MAP4K4: variants seen among roughly 807,000 people sequenced by gnomAD.
MAP4K4 encodes mitogen-activated protein kinase kinase kinase kinase 4, also known as HPK/GCK-like kinase HGK.
Under a neutral mutation model 189.6 loss-of-function variants are expected in MAP4K4, and 38 were observed. That is an observed-to-expected ratio of 0.20 (90% confidence interval 0.15 to 0.26). MAP4K4 has a LOEUF of 0.26. MAP4K4 is among the 10% of genes least tolerant of loss of function. The probability of loss-of-function intolerance (pLI) is 1.00; values close to 1 mark genes in which losing one functional copy is unlikely to be tolerated. For synonymous variants in MAP4K4, 610 were observed against 624.3 expected (o/e 0.98, Z 0.34); for missense variants, 1,054 against 1,726.9 (o/e 0.61, Z 6.91).
chr2:101,787,189 G>C (rs1388352068), intron 2 of MAP4K4, among the ~76,000 whole-genome samples: 2 of 152,186 alleles, frequency 1.3e-5, no homozygotes, highest in African/African-American at 4.8e-5. Flanking sequence ...CATCAGGTGG[G>C]TCCAGAGTGA....
intron 2 of MAP4K4, among the ~76,000 whole-genome samples, chr2:101,729,002 G>T (rs2057005374): frequency 6.6e-6 from 1 of 152,048 alleles, no homozygotes; most frequent in Non-Finnish European, 1.5e-5. Flanking sequence ...TCAGGAAATT[G>T]TGAAGATGTA....
At chr2:101,842,530 G>T in intron 10 of MAP4K4, 79 bp from the exon 11 acceptor site, 2 of 976,346 alleles carry the variant, frequency 2.0e-6, no homozygotes, top group Admixed American at 5.0e-5. Flanking sequence ...CTGCCAAGGT[G>T]CTCCTGCAGA....
rs1033252088 is a variant in MAP4K4, at chr2:101,891,152, T to C, written c.4072-14T>C. ...ACCATGGTAACCATTCCCTCTCTTT[T>C]CTTGCTTTTGCAGGTGTTCTTTGCC... On this transcript the variant is annotated splice_polypyrimidine_tract_variant and intron_variant, in intron 32 of 32. Transcript: ENST00000324219. The C allele has an allele frequency of 6.2e-7, 1 of 1,610,490 alleles. No homozygotes were observed. Among genetic ancestry groups the C allele is most frequent in the Non-Finnish European group, 8.5e-7 (1 of 1,176,874 alleles).
In MAP4K4 at chr2:101,745,164, A is replaced by T. The variant is rs186822441; in HGVS notation, c.124-45556A>T. ...ATGGTGTGTTTCTTTGGTGTATTTGATGGTGTGTTTCTTTGGTTTATTTGC... is the reference window on the plus strand; with the variant it reads ...ATGGTGTGTTTCTTTGGTGTATTTGTTGGTGTGTTTCTTTGGTTTATTTGC... On this transcript the variant is annotated intron_variant, in intron 2 of 32. Transcript: ENST00000324219. Among the ~76,000 whole-genome samples, 23 of 152,138 alleles carry T rather than the reference A, an allele frequency of 1.5e-4. No individual in the cohort carries two copies. In the East Asian group the frequency reaches 4.3e-3, roughly 28 times the overall value.
chr2:101,739,976 C>T (rs932082389), intron 2 of MAP4K4, among the ~76,000 whole-genome samples: 35 of 152,172 alleles, frequency 2.3e-4, no homozygotes, highest in African/African-American at 8.2e-4. Context: ...TTATTTTACA[C>T]TAAAGGGAGG....
chr2:101,847,862 G>C (rs2097157496), intron 12 of MAP4K4, among the ~76,000 whole-genome samples: 1 of 152,152 alleles, frequency 6.6e-6, no homozygotes, highest in Non-Finnish European at 1.5e-5. Context: ...GACTCACCCA[G>C]AGCAACCTCC....
At chr2:101,829,413 C>A in intron 5 of MAP4K4, 91 bp from the exon 6 acceptor site, 1 of 798,350 alleles carries the variant, frequency 1.3e-6, no homozygotes, top group Non-Finnish European at 2.1e-6. Flanking sequence ...CACCTTTGGT[C>A]CACATGTGCA....
chr2:101,837,487 G>C (rs1412625257), intron 9 of MAP4K4, among the ~76,000 whole-genome samples: 2 of 151,972 alleles, frequency 1.3e-5, no homozygotes, highest in Admixed American at 1.3e-4. Context: ...TTTACCCCGT[G>C]TTTAGAATGG....
At chr2:101,868,913 G>A (rs1401130735) in intron 21 of MAP4K4, among the ~76,000 whole-genome samples, 4 of 151,964 alleles carry the variant, frequency 2.6e-5, no homozygotes, top group Admixed American at 1.3e-4. Context: ...GAGCTTTGGT[G>A]TAAAGACACA....
At chr2:101,853,705 A>G (rs945910070) in intron 12 of MAP4K4, among the ~76,000 whole-genome samples, 4 of 152,188 alleles carry the variant, frequency 2.6e-5, no homozygotes, top group African/African-American at 9.7e-5. Flanking sequence ...CACATACATT[A>G]TCGTGTATGT....
intron 2 of MAP4K4, among the ~76,000 whole-genome samples, chr2:101,755,317 A>C (rs781188974): frequency 3.6e-4 from 54 of 152,112 alleles, no homozygotes; most frequent in Non-Finnish European, 6.3e-4. Flanking sequence ...CCGAATTCAC[A>C]TGACCACTGC....
At chr2:101,737,461 A>ATAT (rs1553406709) in intron 2 of MAP4K4, among the ~76,000 whole-genome samples, 1 of 26,008 alleles carries the variant, frequency 3.8e-5, no homozygotes, top group Non-Finnish European at 6.5e-5. Context: ...ATATATATAT[A>ATAT]TTTTTTTTTT....
chr2:101,863,712 C>T, intron 16 of MAP4K4, 109 bp from the exon 17 acceptor site: 1 of 606,292 alleles, frequency 1.6e-6, no homozygotes, highest in Non-Finnish European at 2.9e-6. Context: ...CTGTACCACC[C>T]CGGTGTGTAT....
intron 3 of MAP4K4, among the ~76,000 whole-genome samples, chr2:101,801,831 C>T (rs1340213837): frequency 1.3e-5 from 2 of 152,184 alleles, no homozygotes; most frequent in African/African-American, 4.8e-5. Context: ...ATGTGAGTTC[C>T]TGTTCTTCCC....
chr2:101,856,091 GAGAGGAGACGGGCAGAAGAAGAAA>G (rs2097444038), exon 13 of MAP4K4: 4 of 1,551,434 alleles, frequency 2.6e-6, no homozygotes, highest in East Asian at 4.9e-5. Context: ...AGAAGAAGAG[GAGAGGAGACGGGCAGAAGAAGAAA>G]AGAGGAGAGT....
intron 3 of MAP4K4, among the ~76,000 whole-genome samples, chr2:101,823,365 C>T (rs763580795): frequency 5.3e-5 from 8 of 152,286 alleles, no homozygotes; most frequent in Middle Eastern, 6.8e-3. Context: ...AACCTCTTTT[C>T]GGGTTAGTGG....
intron 2 of MAP4K4, among the ~76,000 whole-genome samples, chr2:101,736,489 GT>G (rs543078359): frequency 2.6e-5 from 4 of 152,166 alleles, no homozygotes; most frequent in Non-Finnish European, 5.9e-5. Flanking sequence ...GCACAGTTGT[GT>G]TTTTACATTT....
At chr2:101,844,450 T>A (rs2097025612) in intron 12 of MAP4K4, 139 bp downstream of exon 12, 2 of 706,814 alleles carry the variant, frequency 2.8e-6, no homozygotes, top group Non-Finnish European at 4.7e-6. Flanking sequence ...ACATAACTTG[T>A]GAAAGAAAGC....
intron 26 of MAP4K4, among the ~76,000 whole-genome samples, chr2:101,876,774 C>T (rs1416909970): frequency 6.6e-6 from 1 of 152,104 alleles, no homozygotes; most frequent in East Asian, 1.9e-4. Context: ...TTGTTCTTTC[C>T]CTTATCCTTT....
Sources: allele counts gnomAD v4.1 joint callset (sites outside exome capture counted in the v4.1 genomes callset), GRCh38; gene constraint gnomAD v4.1.1; transcripts MANE v1.5; gene names NCBI Gene and HGNC (gene_info 2026-07-23, HGNC 2026-07-21).